The following CNTNAP2 variants were observed in gnomAD, a reference collection of about 807,000 sequenced individuals.
The protein encoded by CNTNAP2 is contactin-associated protein-like 2.
Under a neutral mutation model 155.2 loss-of-function variants are expected in CNTNAP2, and 98 were observed. The observed-to-expected ratio is 0.63, with a 90% CI of 0.54 to 0.75. CNTNAP2 has a LOEUF of 0.75. CNTNAP2 is among the 30% of genes least tolerant of loss of function. The pLI is 0.00. For synonymous variants in CNTNAP2, 651 were observed against 631.2 expected, an observed-to-expected ratio of 1.03 and a Z score of -0.47; for missense variants, 1,727 against 1,688.1, an observed-to-expected ratio of 1.02 and a Z score of -0.40.
chr7:146,727,538 C>A (rs1056846152), intron 1 of CNTNAP2, among the ~76,000 whole-genome samples: 13 of 152,072 alleles, frequency 8.5e-5, no homozygotes, highest in African/African-American at 3.1e-4. Context: ...CAGCACTTAC[C>A]CACACACACT....
intron 21 of CNTNAP2, among the ~76,000 whole-genome samples, chr7:148,316,739 G>A (rs537184574): frequency 9.2e-5 from 14 of 152,322 alleles, no homozygotes; most frequent in African/African-American, 3.1e-4. Context: ...TAAATAGAAA[G>A]ATGTGAGAAG....
At chr7:148,236,466 C>A (rs1035216227) in intron 20 of CNTNAP2, among the ~76,000 whole-genome samples, 1 of 152,130 alleles carries the variant, frequency 6.6e-6, no homozygotes, top group African/African-American at 2.4e-5. Flanking sequence ...GGGAACTGGT[C>A]AATTCTTTCC....
At chr7:146,590,180 A>C (rs1435606107) in intron 1 of CNTNAP2, among the ~76,000 whole-genome samples, 1 of 152,198 alleles carries the variant, frequency 6.6e-6, no homozygotes. Context: ...CTACAGGGTC[A>C]TGCCACAAGT....
intron 3 of CNTNAP2, among the ~76,000 whole-genome samples, chr7:146,914,978 T>C (rs1434388148): frequency 2.6e-5 from 4 of 152,162 alleles, no homozygotes; most frequent in Non-Finnish European, 5.9e-5. Flanking sequence ...TTGATCCATC[T>C]TGAGTTAATT....
intron 3 of CNTNAP2, among the ~76,000 whole-genome samples, chr7:146,906,585 G>C (rs1796133660): frequency 6.6e-6 from 1 of 152,026 alleles, no homozygotes; most frequent in African/African-American, 2.4e-5. Context: ...ACCTGCAGCT[G>C]AGGGTCCTGT....
intron 9 of CNTNAP2, among the ~76,000 whole-genome samples, chr7:147,374,016 A>G (rs1796393682): frequency 6.6e-6 from 1 of 152,038 alleles, no homozygotes; most frequent in Admixed American, 6.6e-5. Context: ...TTCCTAACAG[A>G]TGATGGGAGT....
At chr7:146,462,217 A>C (rs1796647709) in intron 1 of CNTNAP2, among the ~76,000 whole-genome samples, 1 of 152,210 alleles carries the variant, frequency 6.6e-6, no homozygotes, top group Admixed American at 6.5e-5. Flanking sequence ...ACACTGTTTT[A>C]TCTCTACTTA....
At chr7:146,489,319 A>G (rs1797104756) in intron 1 of CNTNAP2, among the ~76,000 whole-genome samples, 1 of 152,208 alleles carries the variant, frequency 6.6e-6, no homozygotes, top group Non-Finnish European at 1.5e-5. Context: ...TGAGTAGGAA[A>G]TCAAGTAGAA....
intron 1 of CNTNAP2, among the ~76,000 whole-genome samples, chr7:146,353,034 C>T (rs938280717): frequency 1.3e-5 from 2 of 151,794 alleles, no homozygotes; most frequent in Admixed American, 1.3e-4. Flanking sequence ...GATTACAGGC[C>T]TGAGCCACCG....
intron 1 of CNTNAP2, among the ~76,000 whole-genome samples, chr7:146,369,989 G>A (rs938681965): frequency 6.6e-5 from 10 of 151,802 alleles, no homozygotes; most frequent in African/African-American, 2.4e-4. Context: ...TGTTTAAATC[G>A]TTGCTAAATC....
Position 146,771,852 on chromosome 7 carries a change from AT to A in CNTNAP2, c.98-2414del, listed in dbSNP as rs1203792085. Among the ~76,000 whole-genome samples the A allele has an allele frequency of 1.1e-4, 16 of 152,212 alleles. No individual in the cohort carries two copies. In the East Asian group the frequency reaches 2.7e-3, roughly 26 times the overall value. On this transcript the variant is annotated intron_variant, in intron 1 of 23. Coordinates refer to ENST00000361727, the MANE Select transcript of CNTNAP2 (RefSeq NM_014141.6). Reference sequence around the variant, plus strand: ...TTGCTTATAAATTTGAGAGAGAAACATTTTTGAATATATAGAGAAACATTTT... The same window carrying A: ...TTGCTTATAAATTTGAGAGAGAAACATTTTGAATATATAGAGAAACATTTT...
chr7:146,714,329 C>T (rs888274323), intron 1 of CNTNAP2, among the ~76,000 whole-genome samples: 1 of 152,180 alleles, frequency 6.6e-6, no homozygotes, highest in Non-Finnish European at 1.5e-5. Flanking sequence ...GTGCCTGGAA[C>T]AGCTTAGACA....
chr7:147,668,568 G>A (rs1371903170), intron 13 of CNTNAP2, among the ~76,000 whole-genome samples: 3 of 152,100 alleles, frequency 2.0e-5, no homozygotes, highest in Non-Finnish European at 4.4e-5. Context: ...CTAGGCTACT[G>A]TGTGTGTTTG....
At chr7:148,330,867 G>A (rs905104285) in intron 21 of CNTNAP2, among the ~76,000 whole-genome samples, 3 of 150,290 alleles carry the variant, frequency 2.0e-5, no homozygotes, top group Non-Finnish European at 4.4e-5. Context: ...TGGATGGACG[G>A]ATGGAGTGGC....
chr7:146,766,648 C>G (rs1034140515), intron 1 of CNTNAP2, among the ~76,000 whole-genome samples: 1 of 152,170 alleles, frequency 6.6e-6, no homozygotes, highest in Non-Finnish European at 1.5e-5. Context: ...TACTACCCAT[C>G]TCAATGGGTT....
chr7:147,853,370 A>T (rs1337609757), intron 13 of CNTNAP2, among the ~76,000 whole-genome samples: 1 of 152,230 alleles, frequency 6.6e-6, no homozygotes, highest in Non-Finnish European at 1.5e-5. Context: ...TAAAGCATAG[A>T]GACAACCCAT....
At chr7:147,103,056 A>C (rs186270223) in intron 4 of CNTNAP2, among the ~76,000 whole-genome samples, 1 of 152,156 alleles carries the variant, frequency 6.6e-6, no homozygotes, top group Admixed American at 6.5e-5. Flanking sequence ...AGTGACTCTA[A>C]TTTTTTAATG....
chr7:147,030,850 C>T (rs936133296), intron 3 of CNTNAP2, among the ~76,000 whole-genome samples: 1 of 152,124 alleles, frequency 6.6e-6, no homozygotes, highest in African/African-American at 2.4e-5. Flanking sequence ...CACCACTGCA[C>T]TTCAGCCTGG....
At chr7:147,717,401 C>A (rs1407298791) in intron 13 of CNTNAP2, among the ~76,000 whole-genome samples, 1 of 152,064 alleles carries the variant, frequency 6.6e-6, no homozygotes, top group African/African-American at 2.4e-5. Context: ...GTATCCTCAC[C>A]TAATTTCATA....
Sources: allele counts gnomAD v4.1 joint callset (sites outside exome capture counted in the v4.1 genomes callset), GRCh38; gene constraint gnomAD v4.1.1; transcripts MANE v1.5; gene names NCBI Gene and HGNC (gene_info 2026-07-23, HGNC 2026-07-21).